The following ARHGAP15 variants were observed in gnomAD, a reference collection of about 807,000 sequenced individuals.
ARHGAP15 encodes the protein rho GTPase-activating protein 15.
ARHGAP15 carries 51 observed loss-of-function variants against 63.7 expected under a neutral mutation model. That is an observed-to-expected ratio of 0.80 (90% confidence interval 0.64 to 1.01). The LOEUF is 1.01. ARHGAP15 is among the 50% of genes least tolerant of loss of function. The pLI is 0.00. For synonymous variants in ARHGAP15, 191 were observed against 193.8 expected (o/e 0.99, Z 0.12); for missense variants, 560 against 564.6 (o/e 0.99, Z 0.08).
chr2:143,246,503 C>T (rs1694050271), intron 5 of ARHGAP15, among the ~76,000 whole-genome samples: 1 of 151,878 alleles, frequency 6.6e-6, no homozygotes, highest in South Asian at 2.1e-4. Context: ...TGACTAGGAA[C>T]ACATACAAAG....
intron 5 of ARHGAP15, among the ~76,000 whole-genome samples, chr2:143,234,681 G>A (rs2104928046): frequency 6.6e-6 from 1 of 152,182 alleles, no homozygotes; most frequent in Admixed American, 6.5e-5. Context: ...CTTCGGTTTG[G>A]AGAAAGGCCA....
intron 9 of ARHGAP15, among the ~76,000 whole-genome samples, chr2:143,517,739 G>A: frequency 6.6e-6 from 1 of 152,184 alleles, no homozygotes. Context: ...GCATGGAGTG[G>A]AGCCATTTTT....
At chr2:143,472,546 A>C (rs1574496541) in intron 8 of ARHGAP15, among the ~76,000 whole-genome samples, 1 of 152,164 alleles carries the variant, frequency 6.6e-6, no homozygotes, top group Admixed American at 6.6e-5. Context: ...TTATATACTT[A>C]TTCCAAGTTT....
chr2:143,727,257 T>A (rs1685322078), intron 13 of ARHGAP15, among the ~76,000 whole-genome samples: 1 of 152,216 alleles, frequency 6.6e-6, no homozygotes, highest in Non-Finnish European at 1.5e-5. Flanking sequence ...CCATTGGATG[T>A]GATGAACAGT....
At position 143,728,419 on chromosome 2, in the gene ARHGAP15, A is replaced by G. The variant is rs556701839; in HGVS notation, c.1244+24895A>G. On this transcript the variant is annotated intron_variant, in intron 13 of 13. Transcript: ENST00000295095. Reference sequence around the variant, plus strand: ...ACGGTAGCTGGTGCCTTATCATATAAATTGGGGTGGGGTTAGGTGGGATAA... The same window carrying G: ...ACGGTAGCTGGTGCCTTATCATATAGATTGGGGTGGGGTTAGGTGGGATAA... Among the ~76,000 whole-genome samples, 110 of 152,236 alleles carry G rather than the reference A, an allele frequency of 7.2e-4. 1 individual carries two copies. The highest frequency in any genetic ancestry group is 2.1e-3 in the South Asian group (10 of 4,822).
At position 143,372,822 on chromosome 2, in the gene ARHGAP15, G is replaced by C. The variant is rs552327984; in HGVS notation, c.475-62779G>C. On this transcript the variant is annotated intron_variant, in intron 6 of 13. Transcript: ENST00000295095. ...TCATATGCTAAGCAATTTTAAGAAG[G>C]CTTGAAAAGTTTGGGCACAAAAATG... 8.5e-5 allele frequency among the ~76,000 whole-genome samples: 13 copies of C among 152,076 alleles called. No individual in the cohort carries two copies. In the South Asian group the frequency reaches 1.2e-3, roughly 15 times the overall value.
chr2:143,144,942 C>T (rs1015456947), intron 1 of ARHGAP15, among the ~76,000 whole-genome samples: 35 of 151,994 alleles, frequency 2.3e-4, no homozygotes, highest in African/African-American at 8.0e-4. Context: ...TAACTTTTTA[C>T]AAAAGGGTGC....
intron 12 of ARHGAP15, among the ~76,000 whole-genome samples, chr2:143,700,537 TCTC>T (rs1369701236): frequency 7.2e-5 from 11 of 152,232 alleles, no homozygotes; most frequent in Admixed American, 2.0e-4. Context: ...AAAGGTCTCT[TCTC>T]CTCCTCTCTC....
intron 11 of ARHGAP15, among the ~76,000 whole-genome samples, chr2:143,611,434 G>A (rs190385480): frequency 6.6e-6 from 1 of 152,258 alleles, no homozygotes; most frequent in East Asian, 1.9e-4. Context: ...CTGGTCCTTA[G>A]TTCCTCACTT....
chr2:143,526,164 A>G (rs1694271341), intron 10 of ARHGAP15, among the ~76,000 whole-genome samples: 1 of 151,516 alleles, frequency 6.6e-6, no homozygotes, highest in South Asian at 2.1e-4. Context: ...GAGTTTATCT[A>G]TGTCTAGCAA....
At chr2:143,341,637 AT>A (rs1417267634) in intron 6 of ARHGAP15, among the ~76,000 whole-genome samples, 4 of 152,050 alleles carry the variant, frequency 2.6e-5, no homozygotes, top group East Asian at 1.9e-4. Context: ...TCGCCAAACC[AT>A]TTTTTTCCCC....
chr2:143,508,822 A>G (rs1240656654), intron 9 of ARHGAP15, among the ~76,000 whole-genome samples: 2 of 152,194 alleles, frequency 1.3e-5, no homozygotes, highest in East Asian at 3.8e-4. Context: ...GTCAGACCAA[A>G]ATTAGATTGA....
At chr2:143,158,005 AT>A (rs770309072) in intron 2 of ARHGAP15, among the ~76,000 whole-genome samples, 7 of 151,840 alleles carry the variant, frequency 4.6e-5, no homozygotes, top group Non-Finnish European at 8.8e-5. Flanking sequence ...TTTAGAGATC[AT>A]ACATATGTCA....
chr2:143,271,804 T>A (rs948134244), intron 6 of ARHGAP15, among the ~76,000 whole-genome samples: 2 of 152,212 alleles, frequency 1.3e-5, no homozygotes, highest in African/African-American at 4.8e-5. Context: ...TACTTTCAAA[T>A]CTACTTGAGT....
intron 6 of ARHGAP15, among the ~76,000 whole-genome samples, chr2:143,300,955 C>A (rs79890263): frequency 0.016 from 2,432 of 151,996 alleles, 74 homozygotes; most frequent in African/African-American, 0.055. Context: ...TAATGAATAC[C>A]TTAATGTGTA....
intron 6 of ARHGAP15, among the ~76,000 whole-genome samples, chr2:143,386,159 G>T (rs1687278319): frequency 1.3e-5 from 2 of 152,064 alleles, no homozygotes; most frequent in Admixed American, 6.6e-5. Context: ...GTATATTACA[G>T]CCTGATACCA....
chr2:143,548,533 T>C (rs576905621), intron 10 of ARHGAP15, among the ~76,000 whole-genome samples: 2 of 151,960 alleles, frequency 1.3e-5, no homozygotes, highest in Non-Finnish European at 2.9e-5. Flanking sequence ...AAAATCCTTC[T>C]CTTAGTGACC....
chr2:143,621,764 CTA>C (rs1698656718), intron 11 of ARHGAP15, among the ~76,000 whole-genome samples: 1 of 151,986 alleles, frequency 6.6e-6, no homozygotes, highest in African/African-American at 2.4e-5. Flanking sequence ...TTAGATATCA[CTA>C]TGTTCGATTT....
At chr2:143,322,144 C>G (rs922878061) in intron 6 of ARHGAP15, among the ~76,000 whole-genome samples, 2 of 152,042 alleles carry the variant, frequency 1.3e-5, no homozygotes, top group Non-Finnish European at 2.9e-5. Context: ...CCAATGAGGC[C>G]GCTCAACCAC....
Sources: allele counts gnomAD v4.1 joint callset (sites outside exome capture counted in the v4.1 genomes callset), GRCh38; gene constraint gnomAD v4.1.1; transcripts MANE v1.5; gene names NCBI Gene and HGNC (gene_info 2026-07-23, HGNC 2026-07-21).